Variants in CLSTN2 observed in about 807,000 individuals in gnomAD.
CLSTN2 encodes calsyntenin 2, also known as calsyntenin-2.
A neutral mutation model predicts 101.2 loss-of-function variants in CLSTN2; 48 were observed. That is an observed-to-expected ratio of 0.47 (90% confidence interval 0.38 to 0.60). CLSTN2 has a LOEUF of 0.60. Among genes scored for constraint, CLSTN2 ranks in the 20% least tolerant of loss-of-function variants. CLSTN2 has a pLI of 0.00. For synonymous variants in CLSTN2, 481 were observed against 463.6 expected (o/e 1.04, Z -0.48); for missense variants, 1,160 against 1,238.2 (o/e 0.94, Z 0.95).
At chr3:140,011,781 G>T (rs576422041) in intron 1 of CLSTN2, among the ~76,000 whole-genome samples, 6 of 152,080 alleles carry the variant, frequency 3.9e-5, no homozygotes, top group East Asian at 1.9e-4. Flanking sequence ...GGCAGGATGG[G>T]TAAGTGTCTG....
chr3:140,121,094 C>T (rs2009332678), intron 1 of CLSTN2, among the ~76,000 whole-genome samples: 1 of 152,228 alleles, frequency 6.6e-6, no homozygotes, highest in African/African-American at 2.4e-5. Context: ...GTGAGGGAAA[C>T]CACAAGAAGT....
intron 8 of CLSTN2, among the ~76,000 whole-genome samples, chr3:140,471,508 C>A (rs1442468196): frequency 6.6e-6 from 1 of 152,148 alleles, no homozygotes; most frequent in Non-Finnish European, 1.5e-5. Context: ...ATTCAGTTGG[C>A]TGTTGCCCTC....
rs150280562 is a variant in CLSTN2, at chr3:140,384,979, G to A, written c.233-18650G>A. ...TCAATTTCACGGGCAGCTTGGTTTA[G>A]TGTGTGGGCACCAGAGCCAGAAAAG... On this transcript the variant is annotated intron_variant, in intron 2 of 16. Transcript: ENST00000458420. 5.0e-4 allele frequency among the ~76,000 whole-genome samples: 76 copies of A among 152,324 alleles called. 1 individual carries two copies. The East Asian group carries it at 0.013, about 26-fold the overall frequency.
chr3:139,953,771 T>C (rs1196141036), intron 1 of CLSTN2, among the ~76,000 whole-genome samples: 2 of 152,204 alleles, frequency 1.3e-5, no homozygotes, highest in East Asian at 3.9e-4. Context: ...CTTTACTGGC[T>C]TTCTTCCCTT....
At chr3:140,299,131 G>A (rs1412275260) in intron 2 of CLSTN2, among the ~76,000 whole-genome samples, 1 of 152,150 alleles carries the variant, frequency 6.6e-6, no homozygotes, top group Non-Finnish European at 1.5e-5. Flanking sequence ...CCTCCTGCAG[G>A]AAGCCCTTCC....
chr3:140,406,967 G>A (rs2088310930), intron 4 of CLSTN2, among the ~76,000 whole-genome samples: 1 of 152,224 alleles, frequency 6.6e-6, no homozygotes, highest in South Asian at 2.1e-4. Flanking sequence ...TTCCCTGGCT[G>A]TCTCATTAAA....
chr3:140,277,752 G>C (rs1003839709), intron 2 of CLSTN2, among the ~76,000 whole-genome samples: 2 of 152,112 alleles, frequency 1.3e-5, no homozygotes, highest in Non-Finnish European at 1.5e-5. Context: ...TATTGTTTGC[G>C]CTGGGTGGTT....
At chr3:140,067,209 G>T (rs937839892) in intron 1 of CLSTN2, among the ~76,000 whole-genome samples, 1 of 152,230 alleles carries the variant, frequency 6.6e-6, no homozygotes, top group Non-Finnish European at 1.5e-5. Context: ...AAGATCATGA[G>T]TGTAGAGCTC....
At chr3:140,229,127 T>G (rs76652140) in intron 2 of CLSTN2, among the ~76,000 whole-genome samples, 3 of 152,198 alleles carry the variant, frequency 2.0e-5, no homozygotes, top group East Asian at 1.9e-4. Context: ...AGCAGATCCA[T>G]GAGCATAAGC....
intron 1 of CLSTN2, among the ~76,000 whole-genome samples, chr3:140,014,521 G>A (rs922911588): frequency 6.6e-6 from 1 of 152,100 alleles, no homozygotes; most frequent in Non-Finnish European, 1.5e-5. Flanking sequence ...ACCCAGCCAG[G>A]ATGCAATTTT....
At position 140,128,972 on chromosome 3, in the gene CLSTN2, G is replaced by A. The variant is rs16849944; in HGVS notation, c.110-46979G>A. On this transcript the variant is annotated intron_variant, in intron 1 of 16. Transcript: ENST00000458420. ...CATGGTGCATACTTACATTCTCAGT[G>A]GGGTAGAGTCAATAGTGTTTCGACA... Among the ~76,000 whole-genome samples the A allele has an allele frequency of 3.1e-3, 471 of 152,234 alleles. 5 individuals are homozygous for A. The highest frequency in any genetic ancestry group is 0.011 in the African/African-American group (455 of 41,560).
intron 2 of CLSTN2, among the ~76,000 whole-genome samples, chr3:140,309,994 C>A (rs553581093): frequency 3.9e-5 from 6 of 152,236 alleles, no homozygotes; most frequent in Admixed American, 2.0e-4. Context: ...CCCCTTCTAC[C>A]CTGTCCTCCT....
At chr3:140,264,226 G>A (rs1205929292) in intron 2 of CLSTN2, among the ~76,000 whole-genome samples, 1 of 151,362 alleles carries the variant, frequency 6.6e-6, no homozygotes. Context: ...GTTTAAAATG[G>A]CCTCCCAAGC....
intron 8 of CLSTN2, among the ~76,000 whole-genome samples, chr3:140,478,804 G>A (rs565142780): frequency 1.0e-3 from 155 of 149,994 alleles, no homozygotes; most frequent in African/African-American, 3.7e-3. Flanking sequence ...GGGAAGAAGG[G>A]AGGAAGGGAG....
chr3:140,442,566 T>C (rs1241436794), intron 5 of CLSTN2, among the ~76,000 whole-genome samples: 1 of 152,156 alleles, frequency 6.6e-6, no homozygotes, highest in Non-Finnish European at 1.5e-5. Context: ...CTCAATAGAA[T>C]TGAACTAAAC....
In CLSTN2 at chr3:140,572,771, G is replaced by A. The variant is rs1985596298; in HGVS notation, c.*6518G>A. 1 of 152,326 alleles carries A rather than the reference G, an allele frequency of 6.6e-6. No homozygotes were observed. The highest frequency in any genetic ancestry group is 1.5e-5 in the Non-Finnish European group (1 of 68,112). 9.4% of individuals were successfully genotyped at this position (152,326 alleles called of 1,614,324 possible). On this transcript the variant is annotated 3_prime_UTR_variant, in exon 17 of 17. Coordinates refer to ENST00000458420, the MANE Select transcript of CLSTN2 (RefSeq NM_022131.3). ...AAGTTTGAGAACCACTGATGCAGAGGATGAGGAGATGACTTGAGCTGGCAT... is the reference window on the plus strand; with the variant it reads ...AAGTTTGAGAACCACTGATGCAGAGAATGAGGAGATGACTTGAGCTGGCAT...
At chr3:140,384,186 T>G (rs1315516879) in intron 2 of CLSTN2, among the ~76,000 whole-genome samples, 1 of 152,120 alleles carries the variant, frequency 6.6e-6, no homozygotes, top group East Asian at 1.9e-4. Context: ...CTCACTGGAG[T>G]GCATGTCCCC....
At chr3:140,285,883 T>A (rs886702692) in intron 2 of CLSTN2, among the ~76,000 whole-genome samples, 5 of 152,264 alleles carry the variant, frequency 3.3e-5, no homozygotes, top group Middle Eastern at 3.4e-3. Flanking sequence ...GACAAACGGT[T>A]ACAAGTAGAA....
intron 2 of CLSTN2, among the ~76,000 whole-genome samples, chr3:140,206,850 C>T (rs2010790436): frequency 6.6e-6 from 1 of 152,140 alleles, no homozygotes; most frequent in Non-Finnish European, 1.5e-5. Flanking sequence ...AGAAAATGCC[C>T]AGTAGCCAAT....
Sources: gnomAD v4.1 joint callset for allele counts (sites outside exome capture counted in the v4.1 genomes callset) on GRCh38, gnomAD v4.1.1 for gene constraint, MANE v1.5 for transcripts, NCBI Gene and HGNC (gene_info 2026-07-23, HGNC 2026-07-21) for gene names.